Variants in ZDHHC18 observed in about 807,000 individuals in gnomAD.
The protein encoded by ZDHHC18 is zDHHC palmitoyltransferase 18.
A neutral mutation model predicts 37.5 loss-of-function variants in ZDHHC18; 23 were observed. That is an observed-to-expected ratio of 0.61 (90% CI 0.44 to 0.87). The LOEUF (loss-of-function observed/expected upper bound fraction) is 0.87. Among genes scored for constraint, ZDHHC18 ranks in the 40% least tolerant of loss-of-function variants. The pLI is 0.00. For missense variants in ZDHHC18, 406 were observed against 525.6 expected, an observed-to-expected ratio of 0.77 and a Z score of 2.22; for synonymous variants, 185 against 218.7, an observed-to-expected ratio of 0.85 and a Z score of 1.36.
At chr1:26,845,317 A>ACTCTTTT (rs2081658156) in intron 2 of ZDHHC18, among the ~76,000 whole-genome samples, 1 of 68,854 alleles carries the variant, frequency 1.5e-5, no homozygotes, top group Non-Finnish European at 2.9e-5. Context: ...TTACTTCTTC[A>ACTCTTTT]TTCTTTTTTT....
At chr1:26,853,495 T>C (rs1253986962) in intron 7 of ZDHHC18, among the ~76,000 whole-genome samples, 3 of 152,220 alleles carry the variant, frequency 2.0e-5, no homozygotes, top group African/African-American at 4.8e-5. Flanking sequence ...GGTGGGCCAG[T>C]TGGAATTAAT....
rs1320113703 is a variant in ZDHHC18, at chr1:26,854,173, G to A, written c.*330G>A. The A allele has an allele frequency of 1.2e-5, 3 of 246,762 alleles. No individual in the cohort carries two copies. The highest frequency in any genetic ancestry group is 1.8e-4 in the East Asian group (2 of 11,356). The allele number at this position is 246,762 out of a possible 1,614,324, so 15.3% of individuals were successfully genotyped here. A position where few individuals can be genotyped will look rare whatever the true frequency, so the allele number is the denominator to read the frequency against. ...GAGTGAGGCTGTGAACTGAGCGTGA[G>A]GCCTCCCAGGTGGGGGAACTGCTTG... On this transcript the variant is annotated 3_prime_UTR_variant, in exon 8 of 8. Transcript: ENST00000374142. This position sits in a 1 kb window ranked among gnomAD's most constrained non-coding sequence, Gnocchi z 4.6.
rs923149147 is a variant in ZDHHC18 at position 26,856,421 on chromosome 1, G to A, written c.*2578G>A. ...GTGGTAGGGTCTCCAGGGACTCCCCGCTAAGCAGAAGGATCGGGATATAGG... is the reference window on the plus strand; with the variant it reads ...GTGGTAGGGTCTCCAGGGACTCCCCACTAAGCAGAAGGATCGGGATATAGG... On this transcript the variant is annotated 3_prime_UTR_variant, in exon 8 of 8. Coordinates refer to ENST00000374142, the MANE Select transcript of ZDHHC18 (RefSeq NM_032283.3). The surrounding 1 kb of genome is among the most constrained non-coding windows in gnomAD (Gnocchi z 5.2). 1.4e-5 allele frequency: 4 copies of A among 284,186 alleles called. No individual in the cohort carries two copies. The highest frequency in any genetic ancestry group is 3.6e-5 in the Admixed American group (1 of 27,964). 17.6% of individuals were successfully genotyped at this position (284,186 alleles called of 1,614,324 possible).
chr1:26,840,976 A>AT (rs376536047), intron 2 of ZDHHC18, among the ~76,000 whole-genome samples: 4 of 96,666 alleles, frequency 4.1e-5, no homozygotes, highest in African/African-American at 1.7e-4. Context: ...CATACAGCTA[A>AT]TTTTTTGGGG....
chr1:26,846,102 T>G (rs1570672904), intron 2 of ZDHHC18, among the ~76,000 whole-genome samples: 1 of 150,606 alleles, frequency 6.6e-6, no homozygotes, highest in East Asian at 1.9e-4. Flanking sequence ...TAAATTTCTT[T>G]TGTGTGTGTG....
At chr1:26,844,620 G>C (rs1241134253) in intron 2 of ZDHHC18, among the ~76,000 whole-genome samples, 4 of 152,152 alleles carry the variant, frequency 2.6e-5, no homozygotes, top group African/African-American at 9.7e-5. Context: ...TTGGGTAGCT[G>C]TTGCCAAACA....
At chr1:26,833,734 C>T (rs946150422) in intron 2 of ZDHHC18, among the ~76,000 whole-genome samples, 1 of 152,054 alleles carries the variant, frequency 6.6e-6, no homozygotes, top group Non-Finnish European at 1.5e-5. Flanking sequence ...GTTTCCGGTC[C>T]GTGGTTAGCT....
chr1:26,843,852 C>T (rs2081650450), intron 2 of ZDHHC18, among the ~76,000 whole-genome samples: 2 of 151,988 alleles, frequency 1.3e-5, no homozygotes, highest in Non-Finnish European at 2.9e-5. Context: ...ACTGAATGTA[C>T]ACATGTAATC....
chr1:26,854,105 G>A lies in ZDHHC18; in HGVS notation c.*262G>A. The A allele has an allele frequency of 2.1e-6, 1 of 467,314 alleles. No homozygotes were observed. Among genetic ancestry groups the A allele is most frequent in the Non-Finnish European group, 3.9e-6 (1 of 255,988 alleles). The allele number at this position is 467,314 out of a possible 1,614,324, so 28.9% of individuals were successfully genotyped here. A position where few individuals can be genotyped will look rare whatever the true frequency, so the allele number is the denominator to read the frequency against. ...ACCAGAGCCTCTGGAGGCTACCCAG[G>A]GGACCACACCAAGTCCTTGCCTGTG... On this transcript the variant is annotated 3_prime_UTR_variant, in exon 8 of 8. Coordinates refer to ENST00000374142, the MANE Select transcript of ZDHHC18 (RefSeq NM_032283.3). The surrounding 1 kb of genome is among the most constrained non-coding windows in gnomAD (Gnocchi z 4.6).
Position 26,826,941 on chromosome 1 carries a change from C to T in ZDHHC18, c.137C>T (p.Pro46Leu). The T allele has an allele frequency of 8.7e-7, 1 of 1,150,310 alleles. No individual in the cohort carries two copies. Among genetic ancestry groups the T allele is most frequent in the Non-Finnish European group, 1.1e-6 (1 of 935,900 alleles). The allele number at this position is 1,150,310 out of a possible 1,614,324, so 71.3% of individuals were successfully genotyped here. The change falls in exon 1 of 8, where the codon CCG (proline) becomes CTG (leucine). Residue 46 changes from proline to leucine, a missense_variant. Pro to Leu is a moderately conservative substitution (Grantham distance 98). Transcript: ENST00000374142. This position sits in a 1 kb window ranked among gnomAD's most constrained non-coding sequence, Gnocchi z 5.2. ...GPAPPAAPAPPRWSSSGSGSG... is the reference protein window; with the variant it reads ...GPAPPAAPAPLRWSSSGSGSG... ...GCGCCGCCCGCCGCCCCCGCCCCGC[C>T]GCGCTGGAGCAGCAGCGGCAGCGGC...
intron 1 of ZDHHC18, among the ~76,000 whole-genome samples, chr1:26,831,441 T>C (rs1182620022): frequency 1.3e-5 from 2 of 152,028 alleles, no homozygotes; most frequent in Admixed American, 6.6e-5. Flanking sequence ...TGGAAAGCAA[T>C]TGGGAGGTTT....
At chr1:26,834,110 C>T (rs2081600354) in intron 2 of ZDHHC18, among the ~76,000 whole-genome samples, 2 of 152,188 alleles carry the variant, frequency 1.3e-5, no homozygotes, top group South Asian at 4.1e-4. Flanking sequence ...AGCTGTGCCC[C>T]GTTCTTCCTC....
In ZDHHC18 at chr1:26,850,321, C is replaced by T; in HGVS notation, c.667C>T (p.Pro223Ser). 1 of 1,614,210 alleles carries T rather than the reference C, an allele frequency of 6.2e-7. No individual in the cohort carries two copies. Among genetic ancestry groups the T allele is most frequent in the Non-Finnish European group, 8.5e-7 (1 of 1,180,030 alleles). The change falls in exon 4 of 8, where the codon CCC becomes TCC. Residue 223 changes from proline (P) to serine (S), a missense_variant. Physicochemically the swap from Pro to Ser is moderately conservative, Grantham distance 74. Transcript: ENST00000374142. The surrounding 1 kb of genome is among the most constrained non-coding windows in gnomAD (Gnocchi z 6.1). ...NCVERFDHHC[P>S]WVGNCVGRRN... ...TCCAGAACGATTTGACCATCACTGC[C>T]CCTGGGTGGGCAACTGTGTGGGGAG...
intron 2 of ZDHHC18, among the ~76,000 whole-genome samples, chr1:26,832,919 A>G (rs1002684998): frequency 3.3e-5 from 5 of 152,194 alleles, no homozygotes; most frequent in African/African-American, 9.7e-5. Flanking sequence ...CAGTAATCCT[A>G]TGAGGTAGGT....
Position 26,848,715 on chromosome 1 carries a change from CCACCCCGAACCT to C in ZDHHC18, c.608_619del (p.Pro203_Ser206del). ...CTGCTTCACCTGCAAGATGTTCCGG[CCACCCCGAACCT>C]CACACTGCAGTGTCTGCGACAACTG... On this transcript the variant is annotated inframe_deletion, in exon 3 of 8. Transcript: ENST00000374142. 1 of 1,614,096 alleles carries C rather than the reference CCACCCCGAACCT, an allele frequency of 6.2e-7. No homozygotes were observed. Among genetic ancestry groups the C allele is most frequent in the South Asian group, 1.1e-5 (1 of 91,088 alleles).
rs532141296 is a variant in ZDHHC18, at chr1:26,829,727, GAATTGACAGTGTATTTGAATT to G, written c.335+2606_335+2626del. Among the ~76,000 whole-genome samples, 328 of 152,334 alleles carry G rather than the reference GAATTGACAGTGTATTTGAATT, an allele frequency of 2.2e-3. 5 individuals are homozygous for G. The East Asian group carries it at 0.024, about 11-fold the overall frequency. On this transcript the variant is annotated intron_variant, in intron 1 of 7. Coordinates refer to ENST00000374142, the MANE Select transcript of ZDHHC18 (RefSeq NM_032283.3). Reference sequence around the variant, plus strand: ...GGTGCTCAATACTTATTGAATGAATGAATTGACAGTGTATTTGAATTAATTGACAGTGTATTTGCTGGGAGG... The same window carrying G: ...GGTGCTCAATACTTATTGAATGAATGAATTGACAGTGTATTTGCTGGGAGG...
rs1314767616 is a variant in ZDHHC18, at chr1:26,848,701, G to C, written c.590G>C (p.Cys197Ser). Reference protein sequence around the residue: ...QMVKLKYCFTCKMFRPPRTSH... With the variant: ...QMVKLKYCFTSKMFRPPRTSH... The stretch of plus-strand genomic sequence containing the variant: ...GTGAAGCTGAAGTACTGCTTCACCT[G>C]CAAGATGTTCCGGCCACCCCGAACC... The change falls in exon 3 of 8, where the codon TGC becomes TCC. Residue 197 changes from cysteine to serine, a missense_variant. Transcript: ENST00000374142. 6.2e-7 allele frequency: 1 copy of C among 1,614,178 alleles called. No homozygotes were observed. The highest frequency in any genetic ancestry group is 8.5e-7 in the Non-Finnish European group (1 of 1,179,992).
chr1:26,832,587 C>T lies in ZDHHC18; in HGVS notation c.476C>T (p.Ala159Val), dbSNP rs1479212600. 1 of 1,614,136 alleles carries T rather than the reference C, an allele frequency of 6.2e-7. No homozygotes were observed. The highest frequency in any genetic ancestry group is 1.7e-5 in the Admixed American group (1 of 60,014). Residue 159 changes from alanine (A) to valine (V), a missense_variant, in exon 2 of 8, where the codon GCC becomes GTC. Transcript: ENST00000374142. ...CCCCGGGCCACTGTCTGTGAAGCAG[C>T]CGCCCTGGAGAAACAGATCGGTGAG... The part of the protein sequence containing the change: ...ILPRATVCEA[A>V]ALEKQIDNTG...
chr1:26,855,787 C>G lies in ZDHHC18; in HGVS notation c.*1944C>G, dbSNP rs1190144234. On this transcript the variant is annotated 3_prime_UTR_variant, in exon 8 of 8. Transcript: ENST00000374142. The stretch of plus-strand genomic sequence containing the variant: ...AGGCCCCAACTGGGAGCCCTCTGTT[C>G]TTTCAGACAAATTTGGTTCTTTCCT... 1 of 155,418 alleles carries G rather than the reference C, an allele frequency of 6.4e-6. No individual in the cohort carries two copies. Among genetic ancestry groups the G allele is most frequent in the South Asian group, 1.9e-4 (1 of 5,174 alleles). 9.6% of individuals were successfully genotyped at this position (155,418 alleles called of 1,614,324 possible).
Sources: gnomAD v4.1 joint callset for allele counts (sites outside exome capture counted in the v4.1 genomes callset) on GRCh38, gnomAD v4.1.1 for gene constraint, Gnocchi (gnomAD v3.1) non-coding constraint, MANE v1.5 for transcripts, NCBI Gene and HGNC (gene_info 2026-07-23, HGNC 2026-07-21) for gene names.